IDE: variants seen among roughly 807,000 people sequenced by gnomAD.
The protein encoded by IDE is insulin-degrading enzyme.
Under a neutral mutation model 133.2 loss-of-function variants are expected in IDE, and 58 were observed. The ratio of observed to expected loss-of-function variants is 0.44; its 90% CI spans 0.35 to 0.54. The LOEUF is 0.54. Ranked by LOEUF, IDE falls within the 20% of genes least tolerant of loss-of-function variation. The probability of loss-of-function intolerance (pLI) is 0.00; values close to 1 mark genes in which losing one functional copy is unlikely to be tolerated. For missense variants in IDE, 981 were observed against 1,234.0 expected (o/e 0.79, Z 3.07); for synonymous variants, 396 against 421.3 (o/e 0.94, Z 0.73).
chr10:92,489,379 G>A (rs1476696531), intron 12 of IDE, among the ~76,000 whole-genome samples: 1 of 152,084 alleles, frequency 6.6e-6, no homozygotes, highest in Non-Finnish European at 1.5e-5. Flanking sequence ...GTGAAACCCT[G>A]TCTCTACTAA....
At chr10:92,482,792 A>G (rs1352533948) in intron 14 of IDE, among the ~76,000 whole-genome samples, 1 of 151,552 alleles carries the variant, frequency 6.6e-6, no homozygotes, top group Admixed American at 6.6e-5. Flanking sequence ...TAACAGCAAC[A>G]GCTCTCCTTT....
chr10:92,479,183 G>T, intron 15 of IDE, 94 bp downstream of exon 15: 1 of 771,678 alleles, frequency 1.3e-6, no homozygotes, highest in Non-Finnish European at 2.0e-6. Context: ...AAAAAAAAAA[G>T]AAATTAAACT....
intron 22 of IDE, 57 bp from the exon 23 acceptor site, chr10:92,456,488 G>T: frequency 1.8e-6 from 2 of 1,130,726 alleles, no homozygotes; most frequent in African/African-American, 1.5e-5. Context: ...CTTACAATGA[G>T]GTGTTCTCTG....
At chr10:92,504,640 T>C (rs1848197744) in intron 11 of IDE, among the ~76,000 whole-genome samples, 154 bp downstream of exon 11, 1 of 152,216 alleles carries the variant, frequency 6.6e-6, no homozygotes, top group Non-Finnish European at 1.5e-5. Context: ...GTATCAATGG[T>C]TGAAGCTTGG....
chr10:92,540,297 C>T (rs1389435880), intron 1 of IDE, among the ~76,000 whole-genome samples: 1 of 151,848 alleles, frequency 6.6e-6, no homozygotes, highest in African/African-American at 2.4e-5. Context: ...AAAGGACAAT[C>T]TGTTTAGACT....
Position 92,561,745 on chromosome 10 carries a change from G to C in IDE, c.98+12177C>G, listed in dbSNP as rs557191427. On this transcript the variant is annotated intron_variant, in intron 1 of 24. Transcript: ENST00000265986. ...CCACTGCACTCCAGCCTGGGTGACA[G>C]AGCGAGACTCCGTCACCAAAAAAAA... 5.9e-5 allele frequency among the ~76,000 whole-genome samples: 9 copies of C among 151,344 alleles called. No individual in the cohort carries two copies. In the South Asian group the frequency reaches 1.9e-3, roughly 32 times the overall value.
rs1373662821 is a variant in IDE at position 92,534,846 on chromosome 10, G to C, written c.284-61C>G. Reference sequence around the variant, plus strand: ...CCTATGCTGAAAGTTAGTAAGTACAGGTGATTTGTAGTTCTTGTTAGCATG... The same window carrying C: ...CCTATGCTGAAAGTTAGTAAGTACACGTGATTTGTAGTTCTTGTTAGCATG... On this transcript the variant is annotated intron_variant, in intron 2 of 24. Transcript: ENST00000265986. 9 of 1,268,570 alleles carry C rather than the reference G, an allele frequency of 7.1e-6. No homozygotes were observed. In the Admixed American group the frequency reaches 1.3e-4, roughly 18 times the overall value. The allele number at this position is 1,268,570 out of a possible 1,614,324, so 78.6% of individuals were successfully genotyped here.
chr10:92,552,044 G>C (rs893977485), intron 1 of IDE, among the ~76,000 whole-genome samples: 1 of 152,130 alleles, frequency 6.6e-6, no homozygotes, highest in South Asian at 2.1e-4. Flanking sequence ...AACCAACCAT[G>C]ATGGGGGGGT....
At chr10:92,498,219 C>T (rs11187025) in intron 11 of IDE, among the ~76,000 whole-genome samples, 28,241 of 152,036 alleles carry the variant, frequency 0.19, 2,900 homozygotes, top group Middle Eastern at 0.22. Context: ...TGAGGTTTCA[C>T]GTAAGTGATT....
rs779064748 is a variant in IDE, at chr10:92,463,852, C to T, written c.2640G>A (p.Glu880=). The change falls in exon 21 of 25, where the codon GAG becomes GAA. Residue 880 remains glutamate, a synonymous_variant. Coordinates refer to ENST00000265986, the MANE Select transcript of IDE (RefSeq NM_004969.4). ...ATGCCTGAATGTGTTTTTGGAAGGC[C>T]TCTTCTGTCATGTCCTCTATGGACT... The part of the protein sequence containing the change: ...MEKSIEDMTE[E]AFQKHIQALA... 6 of 1,614,040 alleles carry T rather than the reference C, an allele frequency of 3.7e-6. No homozygotes were observed. The East Asian group carries it at 6.7e-5, about 18-fold the overall frequency.
chr10:92,542,047 G>A (rs1842332903), intron 1 of IDE, among the ~76,000 whole-genome samples: 1 of 152,098 alleles, frequency 6.6e-6, no homozygotes, highest in Non-Finnish European at 1.5e-5. Context: ...AAACACTTAA[G>A]GAAGTCTATT....
At chr10:92,559,455 ACT>A (rs1843173363) in intron 1 of IDE, among the ~76,000 whole-genome samples, 1 of 152,348 alleles carries the variant, frequency 6.6e-6, no homozygotes, top group South Asian at 2.1e-4. Flanking sequence ...GGAATGAAGT[ACT>A]GACACATACC....
At chr10:92,532,278 A>C (rs1240325139) in intron 3 of IDE, among the ~76,000 whole-genome samples, 1 of 151,790 alleles carries the variant, frequency 6.6e-6, no homozygotes, top group Non-Finnish European at 1.5e-5. Context: ...AAAAAAAAAA[A>C]AAAAGAGAAA....
chr10:92,515,591 C>T (rs1453561931), intron 4 of IDE, among the ~76,000 whole-genome samples: 59 of 99,980 alleles, frequency 5.9e-4, no homozygotes, highest in Non-Finnish European at 2.6e-4. Flanking sequence ...GACGGAATTT[C>T]GCTTTTATTG....
chr10:92,555,821 T>C (rs944576962), intron 1 of IDE, among the ~76,000 whole-genome samples: 7 of 152,158 alleles, frequency 4.6e-5, no homozygotes, highest in African/African-American at 1.4e-4. Flanking sequence ...AACACTGTCC[T>C]GGAAGTTCTA....
At chr10:92,503,525 C>T (rs1399309337) in intron 11 of IDE, among the ~76,000 whole-genome samples, 1 of 152,050 alleles carries the variant, frequency 6.6e-6, no homozygotes, top group Non-Finnish European at 1.5e-5. Context: ...GTCCACCAAC[C>T]ACCTAGGAGT....
At chr10:92,567,664 C>T (rs1418261666) in intron 1 of IDE, among the ~76,000 whole-genome samples, 1 of 152,160 alleles carries the variant, frequency 6.6e-6, no homozygotes, top group African/African-American at 2.4e-5. Flanking sequence ...TTTGCTAATA[C>T]CATTCCTTCT....
intron 13 of IDE, among the ~76,000 whole-genome samples, chr10:92,484,552 G>T (rs1304107655): frequency 6.6e-6 from 1 of 152,092 alleles, no homozygotes; most frequent in Non-Finnish European, 1.5e-5. Context: ...GGCCAAAACA[G>T]CAAAACCCTG....
intron 1 of IDE, among the ~76,000 whole-genome samples, chr10:92,563,169 T>C (rs1351677212): frequency 6.6e-6 from 1 of 151,988 alleles, no homozygotes; most frequent in African/African-American, 2.4e-5. Context: ...GAGAATTGCT[T>C]GAACCCGGGA....
Sources: gnomAD v4.1 joint callset for allele counts (sites outside exome capture counted in the v4.1 genomes callset) on GRCh38, gnomAD v4.1.1 for gene constraint, MANE v1.5 for transcripts, NCBI Gene and HGNC (gene_info 2026-07-23, HGNC 2026-07-21) for gene names.